Variants in TMC1 observed in about 807,000 individuals in gnomAD.
TMC1 encodes transmembrane channel-like protein 1.
In TMC1, 84 loss-of-function variants were observed where a neutral mutation model predicts 105.8. The ratio of observed to expected loss-of-function variants is 0.79; its 90% confidence interval spans 0.67 to 0.95. The LOEUF (loss-of-function observed/expected upper bound fraction) is 0.95, where lower values mean the gene tolerates loss of function less well. Ranked by LOEUF, TMC1 falls within the 40% of genes least tolerant of loss-of-function variation. TMC1 has a pLI of 0.00. For synonymous variants in TMC1, 315 were observed against 311.5 expected (o/e 1.01, Z -0.12); for missense variants, 817 against 914.1 (o/e 0.89, Z 1.37).
intron 7 of TMC1, among the ~76,000 whole-genome samples, chr9:72,700,013 G>A (rs1366960972): frequency 6.7e-6 from 1 of 149,606 alleles, no homozygotes; most frequent in African/African-American, 2.5e-5. Flanking sequence ...CAGCACTTTG[G>A]GAGGCCGAGG....
chr9:72,531,293 C>T (rs1823495130), intron 1 of TMC1, among the ~76,000 whole-genome samples: 1 of 152,134 alleles, frequency 6.6e-6, no homozygotes, highest in African/African-American at 2.4e-5. Flanking sequence ...TTAACAGTGT[C>T]TAGTCTGTAT....
intron 9 of TMC1, among the ~76,000 whole-genome samples, 180 bp downstream of exon 9, chr9:72,740,389 C>T (rs923678777): frequency 2.6e-5 from 4 of 152,058 alleles, no homozygotes; most frequent in African/African-American, 9.7e-5. Flanking sequence ...AAAAATTGTT[C>T]TTAGAAGAGT....
intron 10 of TMC1, among the ~76,000 whole-genome samples, chr9:72,749,253 G>A (rs913945853): frequency 6.6e-6 from 1 of 152,218 alleles, no homozygotes; most frequent in Non-Finnish European, 1.5e-5. Context: ...AGTGAGGAAG[G>A]AAGAAAGGAA....
chr9:72,705,791 G>T (rs1233638815), intron 8 of TMC1, among the ~76,000 whole-genome samples: 2 of 152,178 alleles, frequency 1.3e-5, no homozygotes, highest in African/African-American at 4.8e-5. Context: ...ATTTTAAAAT[G>T]ATTTATTTTG....
rs1412925987 is a variant in TMC1, at chr9:72,713,964, T to C, written c.362+13321T>C. On this transcript the variant is annotated intron_variant, in intron 8 of 23. Coordinates refer to ENST00000297784, the MANE Select transcript of TMC1 (RefSeq NM_138691.3). ...ATGTGTCCCAGAGATTCTGGTACAT[T>C]GTTTCTTTGTTCTCATTGGCTTCAA... Among the ~76,000 whole-genome samples, 3 of 152,220 alleles carry C rather than the reference T, an allele frequency of 2.0e-5. No individual in the cohort carries two copies. In the East Asian group the frequency reaches 5.8e-4, roughly 29 times the overall value.
chr9:72,742,647 C>A (rs1437024392), intron 10 of TMC1, 122 bp downstream of exon 10: 2 of 785,812 alleles, frequency 2.5e-6, no homozygotes, highest in East Asian at 2.9e-5. Flanking sequence ...AACAAACAAA[C>A]AAAAACCAAA....
rs577920723 is a variant in TMC1, at chr9:72,632,513, G to A, written c.-53+4450G>A. On this transcript the variant is annotated intron_variant, in intron 4 of 23. Coordinates refer to ENST00000297784, the MANE Select transcript of TMC1 (RefSeq NM_138691.3). ...CATAGGGTAAGAGGACGAGGGGCTG[G>A]AAAAAGAAAGGTAATGGATATAGAG... 2.1e-3 allele frequency among the ~76,000 whole-genome samples: 314 copies of A among 152,148 alleles called. 1 individual carries two copies. The highest frequency in any genetic ancestry group is 6.8e-3 in the Middle Eastern group (2 of 292).
intron 2 of TMC1, among the ~76,000 whole-genome samples, chr9:72,603,668 G>T (rs1824858806): frequency 6.6e-6 from 1 of 151,966 alleles, no homozygotes; most frequent in South Asian, 2.1e-4. Flanking sequence ...TCCTGCCGCA[G>T]CCTGCTGAGT....
At chr9:72,786,810 C>T (rs1828175101) in intron 13 of TMC1, among the ~76,000 whole-genome samples, 1 of 152,154 alleles carries the variant, frequency 6.6e-6, no homozygotes, top group African/African-American at 2.4e-5. Flanking sequence ...GTTCGGGCTC[C>T]CTTCCCTGGG....
rs1400817689 is a variant in TMC1, at chr9:72,772,555, CGT to C, written c.884+1_884+2del. On this transcript the variant is annotated splice_donor_variant, in intron 13 of 23. Coordinates refer to ENST00000297784, the MANE Select transcript of TMC1 (RefSeq NM_138691.3). LOFTEE classifies it high-confidence loss of function. ...TACAGCTTTCTGGTTGTCCTCAAAG[CGT>C]AAGTTTCATTTGTCTTTTGGGAAGC... is the stretch of plus-strand genomic sequence containing the variant. The C allele has an allele frequency of 1.2e-6, 2 of 1,613,550 alleles. No individual in the cohort carries two copies. Among genetic ancestry groups the C allele is most frequent in the African/African-American group, 2.7e-5 (2 of 74,872 alleles).
Position 72,792,183 on chromosome 9 carries a change from C to T in TMC1, c.1405-8C>T. 6.2e-7 allele frequency: 1 copy of T among 1,614,120 alleles called. No homozygotes were observed. The highest frequency in any genetic ancestry group is 1.7e-5 in the Admixed American group (1 of 60,006). ...CTTCATTTTAGTTTCTATCTCTTTG[C>T]TTTCTAGATTGAAGAGGAGAAGCTA... On this transcript the variant is annotated splice_polypyrimidine_tract_variant and splice_region_variant and intron_variant, in intron 16 of 23. Coordinates refer to ENST00000297784, the MANE Select transcript of TMC1 (RefSeq NM_138691.3).
chr9:72,829,613 TAAAC>T (rs1829010740), intron 21 of TMC1, among the ~76,000 whole-genome samples: 1 of 152,216 alleles, frequency 6.6e-6, no homozygotes, highest in Non-Finnish European at 1.5e-5. Flanking sequence ...ATGTAAGAGA[TAAAC>T]AAACTCAGCC....
At chr9:72,784,945 G>A (rs1304296598) in intron 13 of TMC1, among the ~76,000 whole-genome samples, 1 of 152,090 alleles carries the variant, frequency 6.6e-6, no homozygotes, top group African/African-American at 2.4e-5. Flanking sequence ...ATGTGAGGGT[G>A]GAGAGTGGGA....
At chr9:72,716,474 T>A (rs191810358) in intron 8 of TMC1, among the ~76,000 whole-genome samples, 126 of 152,204 alleles carry the variant, frequency 8.3e-4, no homozygotes, top group African/African-American at 2.9e-3. Flanking sequence ...GAGGAGGGAA[T>A]CTAGAGAGGC....
chr9:72,801,385 A>T (rs1226716485), intron 17 of TMC1, among the ~76,000 whole-genome samples: 1 of 152,186 alleles, frequency 6.6e-6, no homozygotes, highest in Non-Finnish European at 1.5e-5. Context: ...CGTTTTATAG[A>T]TGAGAAGACT....
chr9:72,750,603 G>A (rs932293071), intron 10 of TMC1, among the ~76,000 whole-genome samples: 3 of 151,936 alleles, frequency 2.0e-5, no homozygotes, highest in Non-Finnish European at 2.9e-5. Context: ...CACTTCTGGG[G>A]GCAGGGGTGA....
chr9:72,751,623 ACTGCATT>A (rs2118054933), intron 10 of TMC1, among the ~76,000 whole-genome samples: 1 of 152,356 alleles, frequency 6.6e-6, no homozygotes, highest in East Asian at 1.9e-4. Context: ...AGTCTGCATA[ACTGCATT>A]CTACGTACCT....
intron 8 of TMC1, among the ~76,000 whole-genome samples, chr9:72,719,204 A>G (rs766574053): frequency 5.3e-5 from 8 of 152,180 alleles, no homozygotes; most frequent in Non-Finnish European, 1.2e-4. Flanking sequence ...AGTTCTGGCC[A>G]GGAAACTTCA....
intron 23 of TMC1, among the ~76,000 whole-genome samples, chr9:72,835,219 C>T (rs937099374): frequency 6.6e-5 from 10 of 152,256 alleles, no homozygotes; most frequent in Admixed American, 6.5e-4. Flanking sequence ...TATTTACCTC[C>T]GCAGTTTAGG....
Sources: allele counts gnomAD v4.1 joint callset (sites outside exome capture counted in the v4.1 genomes callset), GRCh38; gene constraint gnomAD v4.1.1; transcripts MANE v1.5; gene names NCBI Gene and HGNC (gene_info 2026-07-23, HGNC 2026-07-21).